Variants in ATRNL1 observed in about 807,000 individuals in gnomAD.
The protein encoded by ATRNL1 is attractin like 1.
ATRNL1 carries 95 observed loss-of-function variants against 182.7 expected under a neutral mutation model. The ratio of observed to expected loss-of-function variants is 0.52; its 90% CI spans 0.44 to 0.62. The LOEUF (loss-of-function observed/expected upper bound fraction) is 0.62. Ranked by LOEUF, ATRNL1 falls within the 20% of genes least tolerant of loss-of-function variation. ATRNL1 has a pLI of 0.00. For missense variants in ATRNL1, 1,471 were observed against 1,679.5 expected, an observed-to-expected ratio of 0.88 and a Z score of 2.17; for synonymous variants, 576 against 568.3, an observed-to-expected ratio of 1.01 and a Z score of -0.19.
chr10:115,620,850 G>A (rs1443408238), intron 26 of ATRNL1, among the ~76,000 whole-genome samples: 1 of 152,166 alleles, frequency 6.6e-6, no homozygotes, highest in Non-Finnish European at 1.5e-5. Flanking sequence ...TTTTAGACAT[G>A]AGACATTAAT....
intron 27 of ATRNL1, among the ~76,000 whole-genome samples, chr10:115,740,631 G>C (rs782378344): frequency 8.5e-5 from 13 of 152,064 alleles, no homozygotes; most frequent in Non-Finnish European, 1.5e-4. Flanking sequence ...TCCGCCTCTT[G>C]AGTAGCTGGG....
At chr10:115,622,824 G>A (rs888402613) in intron 26 of ATRNL1, among the ~76,000 whole-genome samples, 5 of 152,046 alleles carry the variant, frequency 3.3e-5, no homozygotes, top group Non-Finnish European at 1.5e-5. Flanking sequence ...CTACGTGGGA[G>A]GCTGAGGCAG....
chr10:115,151,548 C>T (rs568702147), intron 5 of ATRNL1, among the ~76,000 whole-genome samples: 47 of 152,232 alleles, frequency 3.1e-4, no homozygotes, highest in South Asian at 1.9e-3. Flanking sequence ...TCATATCCTT[C>T]GCCCACTTTT....
chr10:115,358,023 T>C (rs931081516), intron 19 of ATRNL1, among the ~76,000 whole-genome samples: 17 of 151,682 alleles, frequency 1.1e-4, no homozygotes, highest in African/African-American at 3.4e-4. Flanking sequence ...CTCTGCACTA[T>C]CTATGATATT....
chr10:115,161,931 A>G (rs1301802671), intron 6 of ATRNL1, among the ~76,000 whole-genome samples: 6 of 152,142 alleles, frequency 3.9e-5, no homozygotes, highest in Non-Finnish European at 1.5e-5. Flanking sequence ...ACATTTTAAG[A>G]CAAATTATTC....
intron 27 of ATRNL1, among the ~76,000 whole-genome samples, chr10:115,743,370 C>A (rs1427380914): frequency 6.6e-6 from 1 of 152,030 alleles, no homozygotes; most frequent in South Asian, 2.1e-4. Context: ...AACATCCCTG[C>A]CCTTGCCTCT....
chr10:115,929,513 G>A (rs1185493322), intron 28 of ATRNL1, among the ~76,000 whole-genome samples: 1 of 152,042 alleles, frequency 6.6e-6, no homozygotes, highest in East Asian at 1.9e-4. Flanking sequence ...CTACAAACCA[G>A]AGACATGCCA....
At chr10:115,915,180 G>A (rs782403132) in intron 28 of ATRNL1, among the ~76,000 whole-genome samples, 4 of 152,058 alleles carry the variant, frequency 2.6e-5, no homozygotes, top group African/African-American at 4.8e-5. Context: ...GGCGGATCAC[G>A]AAGTCAGGAG....
intron 1 of ATRNL1, 121 bp downstream of exon 1, chr10:115,094,164 A>C: frequency 9.6e-7 from 1 of 1,038,356 alleles, no homozygotes; most frequent in Non-Finnish European, 1.2e-6. Flanking sequence ...GCCGTGAGTG[A>C]ACCTCAGCGC....
intron 11 of ATRNL1, 46 bp downstream of exon 11, chr10:115,265,323 T>C: frequency 8.4e-7 from 1 of 1,188,526 alleles, no homozygotes; most frequent in Non-Finnish European, 1.2e-6. Flanking sequence ...CTTATATCAG[T>C]CATACTATCC....
At chr10:115,254,988 G>C (rs1375571096) in intron 10 of ATRNL1, among the ~76,000 whole-genome samples, 1 of 152,218 alleles carries the variant, frequency 6.6e-6, no homozygotes, top group South Asian at 2.1e-4. Context: ...CTGTTCCATT[G>C]GTCTATATCT....
chr10:115,303,719 A>G (rs1278973827), intron 17 of ATRNL1, among the ~76,000 whole-genome samples: 11 of 152,090 alleles, frequency 7.2e-5, no homozygotes, highest in Non-Finnish European at 4.4e-5. Context: ...TTTTCTTCCA[A>G]TACTTTAACC....
At chr10:115,251,938 C>A (rs1850895763) in intron 10 of ATRNL1, among the ~76,000 whole-genome samples, 1 of 152,176 alleles carries the variant, frequency 6.6e-6, no homozygotes, top group Non-Finnish European at 1.5e-5. Flanking sequence ...GTTCTGGCCA[C>A]CTTGATCAAG....
chr10:115,344,042 C>T (rs573812999), intron 19 of ATRNL1, among the ~76,000 whole-genome samples: 103 of 152,256 alleles, frequency 6.8e-4, no homozygotes, highest in African/African-American at 2.4e-3. Context: ...AAAGTACCAC[C>T]GTGGCCATCA....
chr10:115,238,359 A>G lies in ATRNL1; in HGVS notation c.1533-3212A>G, dbSNP rs977178073. On this transcript the variant is annotated intron_variant, in intron 9 of 28. Transcript: ENST00000355044. Reference sequence around the variant, plus strand: ...AGCTGGGAAGAACTGGCATATTGCCAGTATTAGTTTTCCTATCTGTGTTCA... The same window carrying G: ...AGCTGGGAAGAACTGGCATATTGCCGGTATTAGTTTTCCTATCTGTGTTCA... 5.3e-5 allele frequency among the ~76,000 whole-genome samples: 8 copies of G among 152,210 alleles called. 1 individual carries two copies. The highest frequency in any genetic ancestry group is 1.7e-4 in the African/African-American group (7 of 41,476).
At chr10:115,568,245 C>G (rs781935360) in intron 26 of ATRNL1, among the ~76,000 whole-genome samples, 2 of 152,018 alleles carry the variant, frequency 1.3e-5, no homozygotes, top group Non-Finnish European at 2.9e-5. Context: ...AAAGAGAAGT[C>G]CTTACTCAAT....
chr10:115,869,347 G>A (rs1951522655), intron 28 of ATRNL1, among the ~76,000 whole-genome samples: 1 of 152,168 alleles, frequency 6.6e-6, no homozygotes, highest in Non-Finnish European at 1.5e-5. Flanking sequence ...GGGAGGCTTT[G>A]ACTCTGTTCT....
At chr10:115,095,663 T>C (rs910746189) in intron 1 of ATRNL1, among the ~76,000 whole-genome samples, 5 of 152,146 alleles carry the variant, frequency 3.3e-5, no homozygotes, top group Non-Finnish European at 7.4e-5. Context: ...TGTTTCAAGA[T>C]GAGGAAAGAG....
At chr10:115,551,130 T>C (rs1852963230) in intron 26 of ATRNL1, among the ~76,000 whole-genome samples, 1 of 151,714 alleles carries the variant, frequency 6.6e-6, no homozygotes, top group African/African-American at 2.4e-5. Flanking sequence ...TTTTGAGCCC[T>C]ATAAATGTTT....
Sources: gnomAD v4.1 joint callset for allele counts (sites outside exome capture counted in the v4.1 genomes callset) on GRCh38, gnomAD v4.1.1 for gene constraint, MANE v1.5 for transcripts, NCBI Gene and HGNC (gene_info 2026-07-23, HGNC 2026-07-21) for gene names.